The following PARVA variants were observed in gnomAD, a reference collection of about 807,000 sequenced individuals.
PARVA encodes the protein parvin alpha.
PARVA carries 25 observed loss-of-function variants against 52.6 expected under a neutral mutation model. The observed-to-expected ratio is 0.48, with a 90% confidence interval of 0.35 to 0.66. The LOEUF (loss-of-function observed/expected upper bound fraction) is 0.66. Ranked by LOEUF, PARVA falls within the 30% of genes least tolerant of loss-of-function variation. The probability of loss-of-function intolerance (pLI) is 0.01; values close to 1 mark genes in which losing one functional copy is unlikely to be tolerated. For synonymous variants in PARVA, 185 were observed against 179.1 expected (o/e 1.03, Z -0.26); for missense variants, 373 against 450.9 (o/e 0.83, Z 1.56).
At chr11:12,382,448 T>A (rs1352081690) in intron 1 of PARVA, among the ~76,000 whole-genome samples, 13 of 151,848 alleles carry the variant, frequency 8.6e-5, no homozygotes, top group Admixed American at 6.6e-4. Context: ...TTGTCACAGA[T>A]CTCCAAAAAT....
intron 1 of PARVA, among the ~76,000 whole-genome samples, chr11:12,398,810 A>G (rs945056203): frequency 2.0e-5 from 3 of 151,686 alleles, no homozygotes; most frequent in African/African-American, 4.8e-5. Context: ...CACATATACC[A>G]CTCCTCTTAA....
rs1028956844 is a variant in PARVA, at chr11:12,530,913, A to C, written c.*2988A>C. 6.6e-6 allele frequency: 1 copy of C among 152,208 alleles called. No individual in the cohort carries two copies. The highest frequency in any genetic ancestry group is 1.9e-4 in the East Asian group (1 of 5,196). 9.4% of individuals were successfully genotyped at this position (152,208 alleles called of 1,614,324 possible). On this transcript the variant is annotated 3_prime_UTR_variant, in exon 13 of 13. Coordinates refer to ENST00000334956, the MANE Select transcript of PARVA (RefSeq NM_018222.5). Reference sequence around the variant, plus strand: ...GCCTAGACAATGATTTCAAAAGTAGAGTCTAAAACCTATGGGGTGCAGGAC... The same window carrying C: ...GCCTAGACAATGATTTCAAAAGTAGCGTCTAAAACCTATGGGGTGCAGGAC...
At chr11:12,518,354 G>A in intron 11 of PARVA, 91 bp from the exon 12 acceptor site, 1 of 909,668 alleles carries the variant, frequency 1.1e-6, no homozygotes, top group Admixed American at 2.0e-5. Flanking sequence ...TGTCCCTCTG[G>A]CTACAGTGCT....
rs1478670470 is a variant in PARVA, at chr11:12,473,949, C to T, written c.263C>T (p.Ser88Leu). Reference protein sequence around the residue: ...NEVRTMVDPNSRSDPKLQELM... With the variant: ...NEVRTMVDPNLRSDPKLQELM... The stretch of plus-strand genomic sequence containing the variant: ...GTGCGAACAATGGTGGATCCAAACT[C>T]ACGCAGTGACCCCAAGCTTCAAGAA... Residue 88 changes from serine to leucine, a missense_variant, in exon 3 of 13, where the codon TCA becomes TTA. By Grantham distance (145) the Ser-to-Leu change is moderately radical. Transcript: ENST00000334956. 1 of 1,582,786 alleles carries T rather than the reference C, an allele frequency of 6.3e-7. No homozygotes were observed. The highest frequency in any genetic ancestry group is 8.6e-7 in the Non-Finnish European group (1 of 1,164,466).
At chr11:12,420,329 T>C (rs11022350) in intron 1 of PARVA, among the ~76,000 whole-genome samples, 8,050 of 152,280 alleles carry the variant, frequency 0.053, 430 homozygotes, top group East Asian at 0.24. Context: ...GTGTGTTTAA[T>C]TTGAACGGGA....
intron 7 of PARVA, among the ~76,000 whole-genome samples, chr11:12,511,010 A>T (rs1405702425): frequency 1.1e-4 from 16 of 151,850 alleles, no homozygotes; most frequent in Admixed American, 1.0e-3. Context: ...GAGAAAACCT[A>T]CCCTGGGTCA....
At chr11:12,493,945 G>A (rs535426153) in intron 4 of PARVA, among the ~76,000 whole-genome samples, 18 of 152,346 alleles carry the variant, frequency 1.2e-4, no homozygotes, top group African/African-American at 2.9e-4. Context: ...GTTGGCATTC[G>A]CCAAGTTCAG....
chr11:12,514,470 C>T (rs772507227), intron 10 of PARVA, among the ~76,000 whole-genome samples: 2 of 152,080 alleles, frequency 1.3e-5, no homozygotes, highest in Non-Finnish European at 2.9e-5. Flanking sequence ...TGCTGACATT[C>T]GACTGTTTTT....
intron 5 of PARVA, 146 bp downstream of exon 5, chr11:12,496,744 T>C (rs1941304041): frequency 1.4e-6 from 1 of 732,390 alleles, no homozygotes. Flanking sequence ...CCCCGCTTCC[T>C]CAGAACTTGG....
intron 10 of PARVA, 34 bp from the exon 11 acceptor site, chr11:12,517,576 A>G (rs373879367): frequency 1.4e-5 from 21 of 1,468,718 alleles, no homozygotes; most frequent in African/African-American, 4.2e-5. Context: ...TGGGAGGCTC[A>G]GGGGCCAGTG....
In PARVA at chr11:12,523,403, G is replaced by A. The variant is rs1034600167; in HGVS notation, c.1043-4446G>A. Among the ~76,000 whole-genome samples the A allele has an allele frequency of 9.8e-5, 15 of 152,306 alleles. No individual in the cohort carries two copies. The East Asian group carries it at 2.3e-3, about 24-fold the overall frequency. ...ACCTTGGTCAAGGGGTTCAGAGACC[G>A]TGGGGGAAGGCTTCGGAGAAGGGCC... On this transcript the variant is annotated intron_variant, in intron 12 of 12. Coordinates refer to ENST00000334956, the MANE Select transcript of PARVA (RefSeq NM_018222.5).
intron 1 of PARVA, 44 bp from the exon 2 acceptor site, chr11:12,473,701 C>A: frequency 7.0e-7 from 1 of 1,433,490 alleles, no homozygotes; most frequent in Non-Finnish European, 9.6e-7. Context: ...AACCCCCTGC[C>A]GTCCGTCAGC....
intron 7 of PARVA, 128 bp from the exon 8 acceptor site, chr11:12,511,386 C>A: frequency 2.1e-6 from 2 of 961,532 alleles, no homozygotes; most frequent in Non-Finnish European, 3.2e-6. Flanking sequence ...GCTCCTCAAC[C>A]AAGGGCAGGT....
intron 1 of PARVA, among the ~76,000 whole-genome samples, chr11:12,380,131 A>G (rs573349276): frequency 6.6e-6 from 1 of 152,296 alleles, no homozygotes; most frequent in East Asian, 1.9e-4. Context: ...CACAGACATA[A>G]TTTTAAGGAC....
At chr11:12,467,210 A>G (rs553693091) in intron 1 of PARVA, among the ~76,000 whole-genome samples, 121 of 152,328 alleles carry the variant, frequency 7.9e-4, no homozygotes, top group African/African-American at 2.7e-3. Flanking sequence ...TTTGTAAATT[A>G]GCCTTGTATC....
chr11:12,436,859 A>T (rs565281824), intron 1 of PARVA, among the ~76,000 whole-genome samples: 1 of 152,300 alleles, frequency 6.6e-6, no homozygotes, highest in South Asian at 2.1e-4. Flanking sequence ...TGGAGATGAG[A>T]GCAAAAGTGG....
chr11:12,383,919 T>G (rs1373262329), intron 1 of PARVA, among the ~76,000 whole-genome samples: 1 of 152,194 alleles, frequency 6.6e-6, no homozygotes. Context: ...CCCATGTTGT[T>G]GTCCATAGCC....
chr11:12,377,834 A>AGGGGCCGAGGGGCCGGGGCACT, intron 1 of PARVA, 51 bp downstream of exon 1: 1 of 1,364,820 alleles, frequency 7.3e-7, no homozygotes, highest in Non-Finnish European at 9.6e-7. Context: ...GGGGTGCCGT[A>AGGGGCCGAGGGGCCGGGGCACT]GGGGCCGAGG....
chr11:12,418,561 C>A (rs1323595479), intron 1 of PARVA, among the ~76,000 whole-genome samples: 1 of 152,140 alleles, frequency 6.6e-6, no homozygotes, highest in Admixed American at 6.5e-5. Context: ...CCTGCCACAG[C>A]CTCCCCCACC....
Sources: allele counts gnomAD v4.1 joint callset (sites outside exome capture counted in the v4.1 genomes callset), GRCh38; gene constraint gnomAD v4.1.1; transcripts MANE v1.5; gene names NCBI Gene and HGNC (gene_info 2026-07-23, HGNC 2026-07-21).